PIR: variants seen among roughly 807,000 people sequenced by gnomAD.
PIR encodes the protein pirin (iron-binding nuclear protein).
PIR carries 22 observed loss-of-function variants against 24.2 expected under a neutral mutation model. The ratio of observed to expected loss-of-function variants is 0.91; its 90% CI spans 0.65 to 1.30. The LOEUF (loss-of-function observed/expected upper bound fraction) is 1.30, where lower values mean the gene tolerates loss of function less well. Ranked by LOEUF, PIR falls within the 50% of genes most tolerant of loss-of-function variation. PIR has a pLI of 0.00. For missense variants in PIR, 220 were observed against 220.3 expected (o/e 1.00, Z 0.01); for synonymous variants, 80 against 79.6 (o/e 1.00, Z -0.03).
intron 5 of PIR, among the ~76,000 whole-genome samples, chrX:15,449,757 A>G (rs1050082493): frequency 8.9e-6 from 1 of 112,386 alleles, no homozygotes; most frequent in South Asian, 3.7e-4. Context: ...CAAATTTACT[A>G]ATTTGTTTTA....
intron 2 of PIR, among the ~76,000 whole-genome samples, chrX:15,483,798 G>A (rs1922640862): frequency 8.9e-6 from 1 of 112,384 alleles, no homozygotes; most frequent in Non-Finnish European, 1.9e-5. Flanking sequence ...CCAAAGCACT[G>A]TAGGTTCTAC....
intron 6 of PIR, among the ~76,000 whole-genome samples, chrX:15,416,376 A>C (rs368790084): frequency 1.6e-4 from 18 of 112,159 alleles, no homozygotes; most frequent in African/African-American, 5.8e-4. Context: ...AAAAGTAGAG[A>C]AAGACTATGA....
chrX:15,425,968 G>C lies in PIR; in HGVS notation c.503C>G (p.Pro168Arg). ...CAATTTGAAGTCCAAATATAAGGTT[G>C]GTGTGCGAGTGTAAACCTTGGACTG... ...GIKSKVYTRT[P>R]TLYLDFKLDP... The change falls in exon 6 of 10, where the codon CCA becomes CGA. Residue 168 changes from proline to arginine, a missense_variant. Pro to Arg is a moderately radical substitution (Grantham distance 103, BLOSUM62 -2). Transcript: ENST00000380420. 1 of 1,188,185 alleles carries C rather than the reference G, an allele frequency of 8.4e-7. No individual in the cohort carries two copies. The highest frequency in any genetic ancestry group is 3.0e-5 in the East Asian group (1 of 33,740).
chrX:15,403,270 ATTAG>A (rs1924450170), intron 7 of PIR, among the ~76,000 whole-genome samples: 1 of 112,294 alleles, frequency 8.9e-6, no homozygotes. Flanking sequence ...AGCGTGAATC[ATTAG>A]TTATTTAAAT....
chrX:15,461,466 T>G (rs773707210), intron 3 of PIR, among the ~76,000 whole-genome samples: 4 of 113,009 alleles, frequency 3.5e-5, no homozygotes, highest in Non-Finnish European at 5.6e-5. Flanking sequence ...ATGCAGCTAT[T>G]TAAGTTTAAA....
intron 5 of PIR, among the ~76,000 whole-genome samples, chrX:15,428,912 T>C (rs1403313523): frequency 8.9e-6 from 1 of 112,275 alleles, no homozygotes; most frequent in Non-Finnish European, 1.9e-5. Context: ...TTTAAGTCTA[T>C]TTCTGGTTCT....
In PIR at chrX:15,397,459, A is replaced by G. The variant is rs34104000; in HGVS notation, c.683T>C (p.Val228Ala). The change falls in exon 8 of 10, where the codon GTG (valine) becomes GCG (alanine). Residue 228 changes from valine to alanine, a missense_variant. By Grantham distance (64) the Val-to-Ala change is moderately conservative. Transcript: ENST00000380420. Reference protein sequence around the residue: ...AVLGEGDSVQVENKDPKRSHF... With the variant: ...AVLGEGDSVQAENKDPKRSHF... ...AAATAACATACTTACCTTGTTCTCC[A>G]CCTGGACACTGTCACCTTCTCCAAG... 5,709 of 1,182,639 alleles carry G rather than the reference A, an allele frequency of 4.8e-3. 159 individuals are homozygous for G. The African/African-American group carries it at 0.083, about 17-fold the overall frequency.
intron 6 of PIR, among the ~76,000 whole-genome samples, chrX:15,419,832 G>A (rs983200631): frequency 4.6e-5 from 5 of 109,018 alleles, no homozygotes; most frequent in Admixed American, 9.8e-5. Context: ...GGAGGCAGAG[G>A]TTGCAGTGAG....
chrX:15,471,861 T>C (rs1335221298), intron 3 of PIR, among the ~76,000 whole-genome samples: 9 of 112,286 alleles, frequency 8.0e-5, no homozygotes, highest in Non-Finnish European at 1.7e-4. Context: ...CTCACTATTT[T>C]AATATCCTTT....
intron 5 of PIR, among the ~76,000 whole-genome samples, chrX:15,433,538 AAGAAAG>A (rs1925587878): frequency 1.6e-5 from 1 of 63,396 alleles, no homozygotes; most frequent in Non-Finnish European, 2.8e-5. Flanking sequence ...GAAAGAAAGA[AAGAAAG>A]AGAGAGAAAG....
At chrX:15,441,661 T>C (rs750222417) in intron 5 of PIR, among the ~76,000 whole-genome samples, 18 of 111,710 alleles carry the variant, frequency 1.6e-4, no homozygotes, top group Non-Finnish European at 3.2e-4. Context: ...CCTTTCTCAC[T>C]AATCCCTGAG....
At position 15,385,102 on chromosome X, in the gene PIR, T is replaced by C; in HGVS notation, c.775A>G (p.Asn259Asp). The C allele has an allele frequency of 8.7e-7, 1 of 1,147,343 alleles. No individual in the cohort carries two copies. Among genetic ancestry groups the C allele is most frequent in the South Asian group, 1.8e-5 (1 of 54,877 alleles). The allele number at this position is 1,147,343 out of a possible 1,213,427, so 94.6% of individuals were successfully genotyped here. The stretch of plus-strand genomic sequence containing the variant: ...GCTTGAGAAATCTCTTCATTGGTGT[T>C]CATCACAAATGGACCTAGGGCAGAA... ...PVIQHGPFVM[N>D]TNEEISQAIL... Residue 259 changes from asparagine (N) to aspartate (D), a missense_variant, in exon 10 of 10, where the codon AAC (asparagine) becomes GAC (aspartate). By Grantham distance (23) the Asn-to-Asp change is conservative. Coordinates refer to ENST00000380420, the MANE Select transcript of PIR (RefSeq NM_001018109.3).
chrX:15,395,849 T>C (rs1481142844), intron 8 of PIR, among the ~76,000 whole-genome samples: 1 of 112,451 alleles, frequency 8.9e-6, no homozygotes, highest in Non-Finnish European at 1.9e-5. Flanking sequence ...CAGGCTATGC[T>C]TATACACAGC....
At chrX:15,394,378 CTATA>C (rs1012292753) in intron 8 of PIR, among the ~76,000 whole-genome samples, 7 of 111,867 alleles carry the variant, frequency 6.3e-5, no homozygotes, top group Non-Finnish European at 1.3e-4. Context: ...TAATCAAATG[CTATA>C]TATAGTCAAA....
intron 5 of PIR, among the ~76,000 whole-genome samples, chrX:15,445,058 A>T (rs903085094): frequency 1.8e-5 from 2 of 109,747 alleles, no homozygotes; most frequent in Non-Finnish European, 3.8e-5. Flanking sequence ...TGTCCTGTGT[A>T]TCGCTTCTTT....
intron 5 of PIR, among the ~76,000 whole-genome samples, chrX:15,428,351 T>C (rs1925391822): frequency 8.9e-6 from 1 of 111,805 alleles, no homozygotes; most frequent in African/African-American, 3.3e-5. Flanking sequence ...TAAAATTACC[T>C]CTAAAAAGAT....
At chrX:15,465,279 G>A (rs202007215) in intron 3 of PIR, among the ~76,000 whole-genome samples, 2 of 107,863 alleles carry the variant, frequency 1.9e-5, no homozygotes, top group East Asian at 2.9e-4. Context: ...AGCCTTTGGG[G>A]AAAAAAAAAT....
chrX:15,460,085 A>G lies in PIR; in HGVS notation c.190-345T>C, dbSNP rs187294583. Among the ~76,000 whole-genome samples the G allele has an allele frequency of 5.5e-3, 613 of 111,901 alleles. 6 individuals carry two copies. Among genetic ancestry groups the G allele is most frequent in the African/African-American group, 0.019 (592 of 30,808 alleles). On this transcript the variant is annotated intron_variant, in intron 3 of 9. Transcript: ENST00000380420. ...TTAGGACAGCTACTAGCAAAAAGTC[A>G]AAAGATAACAAGTGTTGGTGAGGGT...
chrX:15,397,055 T>G (rs1924185336), intron 8 of PIR, among the ~76,000 whole-genome samples: 1 of 112,501 alleles, frequency 8.9e-6, no homozygotes, highest in Non-Finnish European at 1.9e-5. Flanking sequence ...GGGGATTCTT[T>G]TCAAAGGGCT....
Sources: gnomAD v4.1 joint callset for allele counts (sites outside exome capture counted in the v4.1 genomes callset) on GRCh38, gnomAD v4.1.1 for gene constraint, MANE v1.5 for transcripts, NCBI Gene and HGNC (gene_info 2026-07-23, HGNC 2026-07-21) for gene names.